The following UBE3D variants were observed in gnomAD, a reference collection of about 807,000 sequenced individuals.
UBE3D encodes E3 ubiquitin-protein ligase E3D.
UBE3D carries 48 observed loss-of-function variants against 49.6 expected under a neutral mutation model. The ratio of observed to expected loss-of-function variants is 0.97; its 90% CI spans 0.77 to 1.23. The LOEUF (loss-of-function observed/expected upper bound fraction) is 1.23, where lower values mean the gene tolerates loss of function less well. Among genes scored for constraint, UBE3D ranks in the 50% most tolerant of loss-of-function variants. UBE3D has a pLI of 0.00. For missense variants in UBE3D, 452 were observed against 468.4 expected, an observed-to-expected ratio of 0.96 and a Z score of 0.32; for synonymous variants, 189 against 174.2, an observed-to-expected ratio of 1.08 and a Z score of -0.67.
chr6:82,900,081 A>C (rs1488870672), intron 9 of UBE3D, among the ~76,000 whole-genome samples: 1 of 152,206 alleles, frequency 6.6e-6, no homozygotes, highest in East Asian at 1.9e-4. Flanking sequence ...GAATATCTGC[A>C]GGAAGGAACC....
chr6:82,934,818 A>G (rs1289951019), intron 9 of UBE3D, among the ~76,000 whole-genome samples: 1 of 148,626 alleles, frequency 6.7e-6, no homozygotes, highest in African/African-American at 2.5e-5. Flanking sequence ...ATAGAACTCA[A>G]TAGTGGAGAT....
At chr6:82,979,663 A>G (rs536755162) in intron 8 of UBE3D, among the ~76,000 whole-genome samples, 5 of 152,308 alleles carry the variant, frequency 3.3e-5, no homozygotes, top group African/African-American at 9.6e-5. Flanking sequence ...TGGGCATATT[A>G]CATAGTGGTG....
chr6:83,031,686 G>A (rs111379891), intron 5 of UBE3D, among the ~76,000 whole-genome samples: 154 of 152,312 alleles, frequency 1.0e-3, no homozygotes, highest in African/African-American at 3.6e-3. Flanking sequence ...AGACAATGAG[G>A]AAAGTGACTT....
chr6:82,977,160 A>G (rs1276596822), intron 8 of UBE3D, among the ~76,000 whole-genome samples: 2 of 149,420 alleles, frequency 1.3e-5, no homozygotes, highest in African/African-American at 4.9e-5. Flanking sequence ...AGAAGGTAAG[A>G]CCCTTAAAAA....
intron 3 of UBE3D, chr6:83,049,905 A>G: frequency 2.4e-6 from 1 of 408,800 alleles, no homozygotes. Flanking sequence ...ATTCACAACA[A>G]AATAAATTTT....
At chr6:83,032,491 T>C (rs1367592014) in intron 5 of UBE3D, among the ~76,000 whole-genome samples, 4 of 152,208 alleles carry the variant, frequency 2.6e-5, no homozygotes, top group Non-Finnish European at 4.4e-5. Flanking sequence ...TAACTTGTTT[T>C]TGATTTTAAA....
chr6:82,991,110 G>A (rs1187257745), intron 8 of UBE3D, among the ~76,000 whole-genome samples: 1 of 152,140 alleles, frequency 6.6e-6, no homozygotes, highest in African/African-American at 2.4e-5. Context: ...GTGTCCTCAT[G>A]TTGGCAGCTG....
downstream of UBE3D, among the ~76,000 whole-genome samples, chr6:82,887,436 C>T (rs1421127580): frequency 1.6e-4 from 20 of 121,704 alleles, no homozygotes; most frequent in African/African-American, 4.2e-4. Context: ...GGGCTGGGCG[C>T]GGTGGCTCAC....
At chr6:83,032,998 G>A (rs1781989345) in intron 5 of UBE3D, among the ~76,000 whole-genome samples, 1 of 152,078 alleles carries the variant, frequency 6.6e-6, no homozygotes, top group African/African-American at 2.4e-5. Context: ...TTTATTAACA[G>A]CATGAGAACA....
chr6:82,946,480 A>G (rs1468142943), intron 9 of UBE3D, among the ~76,000 whole-genome samples: 1 of 152,162 alleles, frequency 6.6e-6, no homozygotes, highest in East Asian at 1.9e-4. Context: ...GAATTTCAAC[A>G]CCAGACCTGT....
intron 9 of UBE3D, among the ~76,000 whole-genome samples, chr6:82,900,350 G>C (rs972648018): frequency 3.3e-5 from 5 of 152,068 alleles, no homozygotes; most frequent in Admixed American, 2.0e-4. Context: ...TTACATTAAG[G>C]TTAAGAAGCA....
rs200231743 is a variant in UBE3D at position 82,924,260 on chromosome 6, TACTA to T, written c.1150-31222_1150-31219del. ...GCCATTTTCTTGCAGAGCTTACAAT[TACTA>T]ACTGATAAGAAAAGTTACTTGGATG... On this transcript the variant is annotated intron_variant, in intron 9 of 9. Coordinates refer to ENST00000369747, the MANE Select transcript of UBE3D (RefSeq NM_198920.3). Among the ~76,000 whole-genome samples the T allele has an allele frequency of 8.5e-3, 1,298 of 152,252 alleles. 20 individuals are homozygous for T. The highest frequency in any genetic ancestry group is 0.029 in the African/African-American group (1,198 of 41,568).
intron 9 of UBE3D, among the ~76,000 whole-genome samples, chr6:82,935,338 T>C (rs909918199): frequency 2.0e-5 from 3 of 152,024 alleles, no homozygotes; most frequent in Non-Finnish European, 4.4e-5. Context: ...TCATGAGAGA[T>C]ACACCCCTGT....
At chr6:82,906,574 T>C (rs1772115778) in intron 9 of UBE3D, among the ~76,000 whole-genome samples, 1 of 152,194 alleles carries the variant, frequency 6.6e-6, no homozygotes, top group Non-Finnish European at 1.5e-5. Context: ...ATCTCAGACA[T>C]AGAATCAGCC....
At chr6:83,000,491 T>A (rs1779546274) in intron 8 of UBE3D, among the ~76,000 whole-genome samples, 1 of 152,210 alleles carries the variant, frequency 6.6e-6, no homozygotes, top group South Asian at 2.1e-4. Context: ...AAATAATTTC[T>A]CTTAGGCTAC....
intron 9 of UBE3D, among the ~76,000 whole-genome samples, chr6:82,916,349 T>C (rs545818942): frequency 6.6e-6 from 1 of 152,340 alleles, no homozygotes; most frequent in South Asian, 2.1e-4. Context: ...TAGACATTAC[T>C]GACATCTAAG....
the UBE3D span, among the ~76,000 whole-genome samples, chr6:82,886,269 G>C: frequency 6.6e-6 from 1 of 152,120 alleles, no homozygotes; most frequent in African/African-American, 2.4e-5. Flanking sequence ...TGGTGGAAGG[G>C]GGATGAAACT....
At chr6:82,918,480 T>C (rs907777311) in intron 9 of UBE3D, among the ~76,000 whole-genome samples, 2 of 152,108 alleles carry the variant, frequency 1.3e-5, no homozygotes, top group African/African-American at 4.8e-5. Flanking sequence ...GTTTACTCAG[T>C]GAAAAAGTTG....
At chr6:82,891,230 A>G (rs536164302), downstream of UBE3D, among the ~76,000 whole-genome samples, 5 of 152,358 alleles carry the variant, frequency 3.3e-5, no homozygotes, top group South Asian at 1.0e-3. Context: ...TCACAACAAT[A>G]TCTACAGATA....
Sources: gnomAD v4.1 joint callset for allele counts (sites outside exome capture counted in the v4.1 genomes callset) on GRCh38, gnomAD v4.1.1 for gene constraint, MANE v1.5 for transcripts, NCBI Gene and HGNC (gene_info 2026-07-23, HGNC 2026-07-21) for gene names.